Variants in PARD3B observed in about 807,000 individuals in gnomAD.
PARD3B encodes the protein par-3 family cell polarity regulator beta, also known as partitioning defective 3 homolog B.
PARD3B carries 103 observed loss-of-function variants against 130.2 expected under a neutral mutation model. That is an observed-to-expected ratio of 0.79 (90% CI 0.67 to 0.93). PARD3B has a LOEUF of 0.93. Ranked by LOEUF, PARD3B falls within the 40% of genes least tolerant of loss-of-function variation. The pLI is 0.00. For missense variants in PARD3B, 1,609 were observed against 1,499.2 expected (o/e 1.07, Z -1.21); for synonymous variants, 583 against 553.2 (o/e 1.05, Z -0.76).
chr2:204,746,352 G>A (rs1229841881), intron 2 of PARD3B, among the ~76,000 whole-genome samples: 4 of 151,760 alleles, frequency 2.6e-5, no homozygotes, highest in South Asian at 2.1e-4. Flanking sequence ...CGGTGTATAC[G>A]TGCCACATTT....
Position 205,619,661 on chromosome 2 carries a change from A to G in PARD3B, c.*3848A>G, listed in dbSNP as rs1027795135. ...GTCACCTTTCTGATAAAAAGGAGGG[A>G]AAAAAAAGTTAGATATCTAAAATAA... On this transcript the variant is annotated 3_prime_UTR_variant, in exon 23 of 23. Coordinates refer to ENST00000406610, the MANE Select transcript of PARD3B (RefSeq NM_001302769.2). 1 of 152,052 alleles carries G rather than the reference A, an allele frequency of 6.6e-6. No individual in the cohort carries two copies. The highest frequency in any genetic ancestry group is 2.4e-5 in the African/African-American group (1 of 41,402). The allele number at this position is 152,052 out of a possible 1,614,324, so 9.4% of individuals were successfully genotyped here.
At chr2:204,812,266 A>G (rs1289475642) in intron 2 of PARD3B, among the ~76,000 whole-genome samples, 4 of 152,196 alleles carry the variant, frequency 2.6e-5, no homozygotes, top group Admixed American at 6.5e-5. Context: ...TCCATATGTT[A>G]GCAACGGTGA....
chr2:204,615,771 T>C (rs1306026438), intron 1 of PARD3B, among the ~76,000 whole-genome samples: 1 of 152,170 alleles, frequency 6.6e-6, no homozygotes, highest in Non-Finnish European at 1.5e-5. Flanking sequence ...TGGTTCAGTT[T>C]GACAATGAAA....
intron 16 of PARD3B, among the ~76,000 whole-genome samples, chr2:205,254,750 G>GC (rs1160269002): frequency 6.7e-6 from 1 of 150,068 alleles, no homozygotes; most frequent in Non-Finnish European, 1.5e-5. Flanking sequence ...TGCAGGCTCC[G>GC]CCCCCCGGGG....
At chr2:205,143,554 T>C in intron 10 of PARD3B, among the ~76,000 whole-genome samples, 1 of 152,166 alleles carries the variant, frequency 6.6e-6, no homozygotes. Context: ...ATTAAGGCCA[T>C]AGAAATTGCT....
intron 2 of PARD3B, among the ~76,000 whole-genome samples, chr2:204,914,208 G>GA (rs2047356301): frequency 6.6e-6 from 1 of 151,990 alleles, no homozygotes; most frequent in Non-Finnish European, 1.5e-5. Flanking sequence ...CTGTTAACAA[G>GA]AACCTCTCTT....
rs989400317 is a variant in PARD3B, at chr2:205,187,377, A to G, written c.2024+1514A>G. The stretch of plus-strand genomic sequence containing the variant: ...TGCAGACTTCATTTGGTAGATAGTC[A>G]ATCTTATTGCAGGGTTTTCGCAGGT... On this transcript the variant is annotated intron_variant, in intron 14 of 22. Transcript: ENST00000406610. This position sits in a 1 kb window ranked among gnomAD's most constrained non-coding sequence, Gnocchi z 4.9. Among the ~76,000 whole-genome samples, 1 of 152,172 alleles carries G rather than the reference A, an allele frequency of 6.6e-6. No homozygotes were observed. The highest frequency in any genetic ancestry group is 1.5e-5 in the Non-Finnish European group (1 of 68,034).
intron 16 of PARD3B, among the ~76,000 whole-genome samples, chr2:205,282,700 A>G (rs1313553336): frequency 6.6e-6 from 1 of 152,146 alleles, no homozygotes; most frequent in Admixed American, 6.5e-5. Flanking sequence ...TCAATTAGAT[A>G]TAGGTCCCAC....
Position 205,455,014 on chromosome 2 carries a change from T to G in PARD3B, c.3044+14342T>G, listed in dbSNP as rs147205799. Among the ~76,000 whole-genome samples, 238 of 152,248 alleles carry G rather than the reference T, an allele frequency of 1.6e-3. 2 individuals carry two copies. The highest frequency in any genetic ancestry group is 1.6e-3 in the Non-Finnish European group (110 of 67,984). On this transcript the variant is annotated intron_variant, in intron 20 of 22. Coordinates refer to ENST00000406610, the MANE Select transcript of PARD3B (RefSeq NM_001302769.2). ...TATATTAATTAGTATTTATTTACAC[T>G]GTGGTTTAAGAGCCAGGAGATAGAA...
chr2:205,276,707 A>G lies in PARD3B; in HGVS notation c.2186-23823A>G, dbSNP rs1000583282. On this transcript the variant is annotated intron_variant, in intron 16 of 22. Coordinates refer to ENST00000406610, the MANE Select transcript of PARD3B (RefSeq NM_001302769.2). The surrounding 1 kb of genome is among the most constrained non-coding windows in gnomAD (Gnocchi z 5.0). ...TGCCTCTGAGCTTCCTGTGAAATCTATAGGAGGAGAAGCCCAAGGGACTCT... is the reference window on the plus strand; with the variant it reads ...TGCCTCTGAGCTTCCTGTGAAATCTGTAGGAGGAGAAGCCCAAGGGACTCT... Among the ~76,000 whole-genome samples the G allele has an allele frequency of 6.6e-6, 1 of 152,148 alleles. No individual in the cohort carries two copies. Among genetic ancestry groups the G allele is most frequent in the Admixed American group, 6.5e-5 (1 of 15,276 alleles).
At chr2:204,985,265 A>G (rs1348663941) in intron 3 of PARD3B, among the ~76,000 whole-genome samples, 4 of 152,130 alleles carry the variant, frequency 2.6e-5, no homozygotes, top group Non-Finnish European at 5.9e-5. Flanking sequence ...GGAATGCATT[A>G]AAGCCCAAAC....
chr2:205,079,360 C>T (rs905627948), intron 4 of PARD3B, among the ~76,000 whole-genome samples: 1 of 152,102 alleles, frequency 6.6e-6, no homozygotes, highest in Non-Finnish European at 1.5e-5. Context: ...TCTCACATTG[C>T]TAGAGGCAGG....
chr2:204,566,088 T>TC (rs2031655163), intron 1 of PARD3B, among the ~76,000 whole-genome samples: 1 of 152,220 alleles, frequency 6.6e-6, no homozygotes, highest in Non-Finnish European at 1.5e-5. Context: ...AGCTAAGGCA[T>TC]CAGTAGTGCC....
chr2:205,375,340 G>A (rs1055787336), intron 18 of PARD3B, among the ~76,000 whole-genome samples: 4 of 152,126 alleles, frequency 2.6e-5, no homozygotes, highest in Non-Finnish European at 5.9e-5. Context: ...TTATTCATTC[G>A]CTCATTCATT....
At chr2:205,452,944 A>G (rs1410760607) in intron 20 of PARD3B, among the ~76,000 whole-genome samples, 1 of 152,238 alleles carries the variant, frequency 6.6e-6, no homozygotes, top group Admixed American at 6.5e-5. Context: ...CTGTCATTTA[A>G]GCATTTAAGC....
chr2:205,058,031 A>G (rs1431485616), intron 4 of PARD3B, among the ~76,000 whole-genome samples: 3 of 151,708 alleles, frequency 2.0e-5, no homozygotes, highest in African/African-American at 7.3e-5. Flanking sequence ...TCACCTTCCA[A>G]CACTGAAACT....
In PARD3B at chr2:205,064,719, T is replaced by A. The variant is rs576683539; in HGVS notation, c.504+17029T>A. Among the ~76,000 whole-genome samples, 4 of 152,248 alleles carry A rather than the reference T, an allele frequency of 2.6e-5. No homozygotes were observed. The South Asian group carries it at 8.3e-4, about 32-fold the overall frequency. ...AAGTTCAGGGAAGAACTCAGTGTCATGTGGTCAAGGGAGCTTCAAGGAAAA... is the reference window on the plus strand; with the variant it reads ...AAGTTCAGGGAAGAACTCAGTGTCAAGTGGTCAAGGGAGCTTCAAGGAAAA... On this transcript the variant is annotated intron_variant, in intron 4 of 22. Coordinates refer to ENST00000406610, the MANE Select transcript of PARD3B (RefSeq NM_001302769.2).
At chr2:205,375,519 G>A (rs938733312) in intron 18 of PARD3B, among the ~76,000 whole-genome samples, 2 of 152,106 alleles carry the variant, frequency 1.3e-5, no homozygotes, top group Admixed American at 6.5e-5. Context: ...CATTTTTTTA[G>A]AAATGAACAT....
At chr2:205,260,636 A>G (rs377311132) in intron 16 of PARD3B, among the ~76,000 whole-genome samples, 128 of 152,246 alleles carry the variant, frequency 8.4e-4, no homozygotes, top group African/African-American at 2.9e-3. Flanking sequence ...GATCACTTTC[A>G]TATAATTTCT....
Sources: gnomAD v4.1 joint callset for allele counts (sites outside exome capture counted in the v4.1 genomes callset) on GRCh38, gnomAD v4.1.1 for gene constraint, Gnocchi (gnomAD v3.1) non-coding constraint, MANE v1.5 for transcripts, NCBI Gene and HGNC (gene_info 2026-07-23, HGNC 2026-07-21) for gene names.